The following HECW2 variants were observed in gnomAD, a reference collection of about 807,000 sequenced individuals.
HECW2 encodes the protein E3 ubiquitin-protein ligase HECW2.
HECW2 carries 61 observed loss-of-function variants against 175.2 expected under a neutral mutation model. The observed-to-expected ratio is 0.35, with a 90% CI of 0.28 to 0.43. The LOEUF is 0.43. HECW2 is among the 20% of genes least tolerant of loss of function. The pLI, the probability that HECW2 is intolerant of heterozygous loss-of-function variation, is 1.00. For synonymous variants in HECW2, 671 were observed against 731.0 expected, an observed-to-expected ratio of 0.92 and a Z score of 1.32; for missense variants, 1,524 against 2,000.5, an observed-to-expected ratio of 0.76 and a Z score of 4.54.
chr2:196,375,000 A>G (rs1052620237), intron 2 of HECW2, among the ~76,000 whole-genome samples: 5 of 151,656 alleles, frequency 3.3e-5, no homozygotes, highest in African/African-American at 1.2e-4. Context: ...GTCTCTACTA[A>G]AAAATACAAA....
intron 28 of HECW2, among the ~76,000 whole-genome samples, chr2:196,205,014 A>T (rs1021751002): frequency 4.6e-5 from 7 of 152,224 alleles, no homozygotes; most frequent in African/African-American, 7.2e-5. Context: ...GAAGGACTAG[A>T]CAACCTTTTT....
At chr2:196,238,050 A>G (rs1226086832) in intron 21 of HECW2, among the ~76,000 whole-genome samples, 2 of 152,202 alleles carry the variant, frequency 1.3e-5, no homozygotes, top group African/African-American at 4.8e-5. Context: ...GGTAAAGAGA[A>G]AGTAACAGAA....
intron 21 of HECW2, among the ~76,000 whole-genome samples, chr2:196,236,573 A>C (rs187233063): frequency 6.6e-6 from 1 of 152,346 alleles, no homozygotes; most frequent in Admixed American, 6.5e-5. Flanking sequence ...CCCATACAGG[A>C]AACCACATTA....
chr2:196,343,906 G>T (rs750221443), intron 2 of HECW2, 142 bp from the exon 3 acceptor site: 4 of 598,160 alleles, frequency 6.7e-6, no homozygotes, highest in Non-Finnish European at 1.2e-5. Flanking sequence ...CTACCTCCCA[G>T]CAGAGTATTA....
chr2:196,592,851 A>C (rs986918102), intron 1 of HECW2: 18 of 150,130 alleles, frequency 1.2e-4, no homozygotes, highest in African/African-American at 4.1e-4. Context: ...AGTCGCCCGG[A>C]CCCGCGGCCC....
intron 20 of HECW2, 137 bp from the exon 21 acceptor site, chr2:196,240,699 G>T (rs2105879521): frequency 1.2e-6 from 1 of 844,880 alleles, no homozygotes; most frequent in East Asian, 3.1e-5. Context: ...ATTGCTGTCT[G>T]CAATAAAGTA....
intron 4 of HECW2, among the ~76,000 whole-genome samples, chr2:196,330,728 A>C (rs900226689): frequency 1.3e-5 from 2 of 152,168 alleles, no homozygotes; most frequent in African/African-American, 4.8e-5. Context: ...CTGTTAGGTC[A>C]GTTTAACAAG....
intron 1 of HECW2, among the ~76,000 whole-genome samples, chr2:196,469,841 C>T (rs182326928): frequency 6.6e-6 from 1 of 151,332 alleles, no homozygotes; most frequent in African/African-American, 2.4e-5. Flanking sequence ...GGGCGGGGGA[C>T]TAATTGGAGG....
intron 19 of HECW2, among the ~76,000 whole-genome samples, chr2:196,252,815 A>C (rs2105911829): frequency 6.6e-6 from 1 of 152,306 alleles, no homozygotes; most frequent in Admixed American, 6.5e-5. Flanking sequence ...GTAAACTCCT[A>C]TTCATCATTC....
Position 196,472,970 on chromosome 2 carries a change from A to G in HECW2, c.-35-39512T>C, listed in dbSNP as rs141300328. On this transcript the variant is annotated intron_variant, in intron 1 of 28. Coordinates refer to ENST00000644978, the MANE Select transcript of HECW2 (RefSeq NM_001348768.2). ...GGATTAAAACATGCACATTTGTCAT[A>G]TTACATTTTATACTTTTGTATGTCT... 2.0e-4 allele frequency among the ~76,000 whole-genome samples: 30 copies of G among 152,318 alleles called. No homozygotes were observed. In the East Asian group the frequency reaches 5.8e-3, roughly 29 times the overall value.
intron 2 of HECW2, among the ~76,000 whole-genome samples, chr2:196,359,164 T>C (rs142180526): frequency 2.0e-5 from 3 of 152,172 alleles, no homozygotes; most frequent in Non-Finnish European, 4.4e-5. Flanking sequence ...AAACATACCA[T>C]GCAGGCCAGG....
Position 196,318,789 on chromosome 2 carries a change from C to T in HECW2, c.2101G>A (p.Val701Met), listed in dbSNP as rs143937058. 178 of 1,527,952 alleles carry T rather than the reference C, an allele frequency of 1.2e-4. No individual in the cohort carries two copies. In the African/African-American group the frequency reaches 1.9e-3, roughly 16 times the overall value. 94.6% of individuals were successfully genotyped at this position (1,527,952 alleles called of 1,614,324 possible). ...SGPAEGSQES[V>M]CTAGSLPVVQ... ...ACAGGTAAAGAACCAGCAGTGCACA[C>T]GGATTCCTGCGACCCTTCGGCAGGG... Residue 701 changes from valine (V) to methionine (M), a missense_variant, in exon 9 of 29, where the codon GTG becomes ATG. By Grantham distance (21) the Val-to-Met change is conservative (BLOSUM62 1). Coordinates refer to ENST00000644978, the MANE Select transcript of HECW2 (RefSeq NM_001348768.2).
intron 1 of HECW2, among the ~76,000 whole-genome samples, chr2:196,528,084 T>C (rs1295977134): frequency 2.6e-5 from 4 of 152,190 alleles, no homozygotes; most frequent in South Asian, 2.1e-4. Context: ...AAGATGATGA[T>C]GGAGGTGATA....
rs543145319 is a variant in HECW2, at chr2:196,275,613, G to A, written c.3136-1490C>T. Among the ~76,000 whole-genome samples, 34 of 152,224 alleles carry A rather than the reference G, an allele frequency of 2.2e-4. 1 individual carries two copies. The South Asian group carries it at 6.4e-3, about 29-fold the overall frequency. ...CTAAAAATACAAAAATTAGCCGGGC[G>A]CGGTGGCAGGTGCCTGTAGTCCCAG... On this transcript the variant is annotated intron_variant, in intron 15 of 28. Coordinates refer to ENST00000644978, the MANE Select transcript of HECW2 (RefSeq NM_001348768.2).
intron 1 of HECW2, among the ~76,000 whole-genome samples, chr2:196,514,681 C>G (rs989954819): frequency 6.6e-6 from 1 of 152,172 alleles, no homozygotes; most frequent in African/African-American, 2.4e-5. Context: ...GGAACAACCC[C>G]CCTGAGGACA....
At chr2:196,433,884 C>T (rs1293440867) in intron 1 of HECW2, among the ~76,000 whole-genome samples, 2 of 152,176 alleles carry the variant, frequency 1.3e-5, no homozygotes, top group African/African-American at 4.8e-5. Flanking sequence ...AGTTGAAGTA[C>T]ACCATTAAGT....
rs1343926753 is a variant in HECW2, at chr2:196,492,469, GA to G, written c.-35-59012del. ...CAACAACTTATGGAAGAGTAAATAGGAAAAAAAATTCACATAGTCCATAAAG... is the reference window on the plus strand; with the variant it reads ...CAACAACTTATGGAAGAGTAAATAGGAAAAAAATTCACATAGTCCATAAAG... On this transcript the variant is annotated intron_variant, in intron 1 of 28. Coordinates refer to ENST00000644978, the MANE Select transcript of HECW2 (RefSeq NM_001348768.2). 3.3e-5 allele frequency among the ~76,000 whole-genome samples: 5 copies of G among 151,940 alleles called. No homozygotes were observed. The South Asian group carries it at 6.2e-4, about 19-fold the overall frequency.
intron 15 of HECW2, among the ~76,000 whole-genome samples, chr2:196,278,133 A>AAAAAAAATATATATATATATAT (rs531920307): frequency 3.0e-5 from 2 of 66,550 alleles, no homozygotes; most frequent in African/African-American, 8.2e-5. Flanking sequence ...ATAATTAAAA[A>AAAAAAAATATATATATATATAT]ATATATATAT....
At chr2:196,202,756 A>G (rs1000905121) in intron 28 of HECW2, among the ~76,000 whole-genome samples, 1 of 152,216 alleles carries the variant, frequency 6.6e-6, no homozygotes, top group Non-Finnish European at 1.5e-5. Flanking sequence ...GAATGTGAAC[A>G]GGATCTGTTA....
Sources: gnomAD v4.1 joint callset for allele counts (sites outside exome capture counted in the v4.1 genomes callset) on GRCh38, gnomAD v4.1.1 for gene constraint, MANE v1.5 for transcripts, NCBI Gene and HGNC (gene_info 2026-07-23, HGNC 2026-07-21) for gene names.